Variants in DNAJC6 observed in about 807,000 individuals in gnomAD.
DNAJC6 encodes the protein DnaJ heat shock protein family (Hsp40) member C6, also known as auxilin.
A neutral mutation model predicts 110.0 loss-of-function variants in DNAJC6; 34 were observed. That is an observed-to-expected ratio of 0.31 (90% CI 0.24 to 0.41). The LOEUF (loss-of-function observed/expected upper bound fraction) is 0.41. Ranked by LOEUF, DNAJC6 falls within the 10% of genes least tolerant of loss-of-function variation. The pLI, the probability that DNAJC6 is intolerant of heterozygous loss-of-function variation, is 1.00. For missense variants in DNAJC6, 1,031 were observed against 1,207.8 expected, an observed-to-expected ratio of 0.85 and a Z score of 2.17; for synonymous variants, 406 against 437.2, an observed-to-expected ratio of 0.93 and a Z score of 0.89.
intron 15 of DNAJC6, among the ~76,000 whole-genome samples, chr1:65,402,500 GA>G (rs34116435): frequency 0.021 from 3,180 of 152,318 alleles, 62 homozygotes; most frequent in South Asian, 0.11. Context: ...ACAGTATCCA[GA>G]GTTCTCAAAC....
chr1:65,284,111 A>G (rs1211323969), intron 1 of DNAJC6, among the ~76,000 whole-genome samples: 2 of 152,118 alleles, frequency 1.3e-5, no homozygotes, highest in Non-Finnish European at 2.9e-5. Context: ...GAAAGTCACA[A>G]AAGTGCTCTC....
chr1:65,309,228 A>G (rs1355909398), upstream of DNAJC6, among the ~76,000 whole-genome samples: 2 of 150,978 alleles, frequency 1.3e-5, no homozygotes, highest in Non-Finnish European at 3.0e-5. Context: ...CACCCTCCCA[A>G]CCCACGTCGT....
chr1:65,357,418 A>C (rs184265066), intron 1 of DNAJC6, among the ~76,000 whole-genome samples: 9 of 152,346 alleles, frequency 5.9e-5, no homozygotes, highest in African/African-American at 2.2e-4. Flanking sequence ...GTTTTTGTGG[A>C]GTCCCAGAGG....
chr1:65,401,814 C>T lies in DNAJC6; in HGVS notation c.2161C>T (p.His721Tyr), dbSNP rs1332863664. 2 of 1,614,010 alleles carry T rather than the reference C, an allele frequency of 1.2e-6. No homozygotes were observed. Among genetic ancestry groups the T allele is most frequent in the Non-Finnish European group, 1.7e-6 (2 of 1,179,976 alleles). ...SAATSPTGSS[H>Y]GTPTHQSKPQ... Reference sequence around the variant, plus strand: ...TGCCACCAGCCCAACCGGATCCTCGCATGGTACTCCCACCCATCAAAGCAA... The same window carrying T: ...TGCCACCAGCCCAACCGGATCCTCGTATGGTACTCCCACCCATCAAAGCAA... Residue 721 changes from histidine to tyrosine, a missense_variant, in exon 15 of 19, where the codon CAT becomes TAT. Transcript: ENST00000371069.
chr1:65,314,150 A>G (rs1645127543), intron 1 of DNAJC6, among the ~76,000 whole-genome samples: 1 of 151,700 alleles, frequency 6.6e-6, no homozygotes, highest in African/African-American at 2.4e-5. Flanking sequence ...GCTTTGTTCT[A>G]TATATTTAAA....
intron 1 of DNAJC6, among the ~76,000 whole-genome samples, chr1:65,353,984 T>A (rs193241429): frequency 1.3e-5 from 2 of 152,128 alleles, no homozygotes; most frequent in Non-Finnish European, 2.9e-5. Flanking sequence ...TCTGCCATCT[T>A]CTCTTTGATT....
chr1:65,409,863 T>C (rs1003732605), intron 17 of DNAJC6, among the ~76,000 whole-genome samples: 12 of 152,222 alleles, frequency 7.9e-5, no homozygotes, highest in African/African-American at 2.7e-4. Flanking sequence ...CAAATCAACA[T>C]ACTGTTTTAG....
intron 4 of DNAJC6, among the ~76,000 whole-genome samples, chr1:65,366,806 G>T (rs370851901): frequency 1.4e-3 from 213 of 152,152 alleles, no homozygotes; most frequent in African/African-American, 4.9e-3. Flanking sequence ...AAATATTTTT[G>T]ACTTAGCCTT....
Position 65,296,475 on chromosome 1 carries a change from A to T in DNAJC6, c.-131+31543A>T, listed in dbSNP as rs550252369. ...AGCTCTGTGACCTTAATCAGTAATA[A>T]GTACAAAGGCTAACTAACCTTCATT... On this transcript the variant is annotated intron_variant, in intron 1 of 19. Coordinates refer to the DNAJC6 transcript ENST00000263441. Among the ~76,000 whole-genome samples the T allele has an allele frequency of 4.4e-4, 67 of 152,326 alleles. 1 individual carries two copies. The South Asian group carries it at 0.014, about 32-fold the overall frequency.
At chr1:65,371,620 A>T (rs549127099) in intron 4 of DNAJC6, among the ~76,000 whole-genome samples, 7 of 152,322 alleles carry the variant, frequency 4.6e-5, no homozygotes, top group African/African-American at 1.7e-4. Flanking sequence ...TGCTTAGTGA[A>T]TGGCTGCTTC....
chr1:65,276,823 C>T (rs931182210), intron 1 of DNAJC6, among the ~76,000 whole-genome samples: 1 of 152,136 alleles, frequency 6.6e-6, no homozygotes, highest in South Asian at 2.1e-4. Flanking sequence ...GTCTCTGCAG[C>T]CCTTGAAACT....
At chr1:65,379,666 T>A in intron 5 of DNAJC6, 142 bp downstream of exon 5, 2 of 1,235,586 alleles carry the variant, frequency 1.6e-6, no homozygotes, top group Non-Finnish European at 2.2e-6. Context: ...GTGAGAGTTG[T>A]AAAAATAAGA....
intron 1 of DNAJC6, among the ~76,000 whole-genome samples, chr1:65,268,867 A>T (rs1653418781): frequency 6.6e-6 from 1 of 152,144 alleles, no homozygotes; most frequent in Non-Finnish European, 1.5e-5. Flanking sequence ...AAGTTCTTTG[A>T]GTATGTTATG....
At chr1:65,364,308 T>C (rs1413382122) in intron 1 of DNAJC6, among the ~76,000 whole-genome samples, 1 of 152,138 alleles carries the variant, frequency 6.6e-6, no homozygotes, top group East Asian at 1.9e-4. Flanking sequence ...TTGGAATGTG[T>C]TGTGTGTTTT....
upstream of DNAJC6, among the ~76,000 whole-genome samples, chr1:65,305,341 G>A (rs1197741815): frequency 6.6e-6 from 1 of 152,208 alleles, no homozygotes; most frequent in Non-Finnish European, 1.5e-5. Context: ...AGGACACACA[G>A]TGAGAAATAC....
intron 1 of DNAJC6, among the ~76,000 whole-genome samples, chr1:65,355,882 CTTTT>C (rs372078909): frequency 2.4e-5 from 2 of 82,850 alleles, no homozygotes; most frequent in African/African-American, 4.8e-5. Context: ...AACAGCATGG[CTTTT>C]TTTTTTTTTT....
At chr1:65,284,798 C>T (rs1193003122) in intron 1 of DNAJC6, among the ~76,000 whole-genome samples, 3 of 151,872 alleles carry the variant, frequency 2.0e-5, no homozygotes, top group African/African-American at 4.8e-5. Context: ...AAGCAATTCT[C>T]CTGCCTCAGC....
In DNAJC6 at chr1:65,398,859, T is replaced by C. The variant is rs1256362840; in HGVS notation, c.2085T>C (p.Gly695=). Residue 695 remains glycine (G), a synonymous_variant, in exon 14 of 19, where the codon GGT becomes GGC. Transcript: ENST00000371069. Reference sequence around the variant, plus strand: ...ACATTCAGCCAGATGTTTCTGGAGGTTGGGACTGGCATGCTAAACCAGGTA... The same window carrying C: ...ACATTCAGCCAGATGTTTCTGGAGGCTGGGACTGGCATGCTAAACCAGGTA... ...AVNIQPDVSG[G]WDWHAKPGGF... 2.5e-6 allele frequency: 4 copies of C among 1,614,036 alleles called. No individual in the cohort carries two copies. Among genetic ancestry groups the C allele is most frequent in the Middle Eastern group, 3.3e-4 (2 of 6,062 alleles).
rs192656579 is a variant in DNAJC6 at position 65,296,479 on chromosome 1, C to G, written c.-131+31547C>G. ...CTGTGACCTTAATCAGTAATAAGTA[C>G]AAAGGCTAACTAACCTTCATTGGGT... On this transcript the variant is annotated intron_variant, in intron 1 of 19. Transcript: ENST00000263441. Among the ~76,000 whole-genome samples the G allele has an allele frequency of 1.8e-3, 267 of 152,054 alleles. 4 individuals carry two copies. The highest frequency in any genetic ancestry group is 4.3e-4 in the Non-Finnish European group (29 of 67,994).
Sources: gnomAD v4.1 joint callset for allele counts (sites outside exome capture counted in the v4.1 genomes callset) on GRCh38, gnomAD v4.1.1 for gene constraint, MANE v1.5 for transcripts, NCBI Gene and HGNC (gene_info 2026-07-23, HGNC 2026-07-21) for gene names.